SATB1: variants seen among roughly 807,000 people sequenced by gnomAD.
The protein encoded by SATB1 is SATB homeobox 1.
A neutral mutation model predicts 86.9 loss-of-function variants in SATB1; 11 were observed. That is an observed-to-expected ratio of 0.13 (90% CI 0.08 to 0.21). SATB1 has a LOEUF of 0.21. Ranked by LOEUF, SATB1 falls within the 10% of genes least tolerant of loss-of-function variation. The pLI is 1.00. For synonymous variants in SATB1, 357 were observed against 357.2 expected (o/e 1.00, Z 0.01); for missense variants, 551 against 937.6 (o/e 0.59, Z 5.39).
chr3:18,428,214 G>A (rs1336565852), upstream of SATB1, among the ~76,000 whole-genome samples: 1 of 152,164 alleles, frequency 6.6e-6, no homozygotes, highest in Non-Finnish European at 1.5e-5. Context: ...TCTCTGCAGA[G>A]TCCTGTGGTG....
upstream of SATB1, among the ~76,000 whole-genome samples, chr3:18,429,645 GCTTTT>G (rs1159822753): frequency 6.6e-6 from 1 of 152,158 alleles, no homozygotes; most frequent in African/African-American, 2.4e-5. This position sits in a 1 kb window ranked among gnomAD's most constrained non-coding sequence, Gnocchi z 4.1. Context: ...GCTGCCTCAT[GCTTTT>G]CTTGTCTAGT....
intron 9 of SATB1, among the ~76,000 whole-genome samples, chr3:18,373,434 A>G (rs1376432212): frequency 3.9e-5 from 6 of 152,226 alleles, no homozygotes; most frequent in Admixed American, 2.0e-4. Context: ...TGCCTTCACT[A>G]GCATGCTAGC....
At chr3:18,371,088 C>T (rs937742979) in intron 9 of SATB1, among the ~76,000 whole-genome samples, 6 of 152,102 alleles carry the variant, frequency 3.9e-5, no homozygotes, top group African/African-American at 4.8e-5. Flanking sequence ...GGCACTGAGG[C>T]GGCCGAGGAG....
intron 2 of SATB1, among the ~76,000 whole-genome samples, chr3:18,431,745 C>T (rs937631423): frequency 1.3e-5 from 2 of 152,196 alleles, no homozygotes; most frequent in African/African-American, 4.8e-5. Context: ...CAGCAGTAGA[C>T]CAAAATTTGA....
intron 9 of SATB1, among the ~76,000 whole-genome samples, chr3:18,372,127 T>C (rs1000678999): frequency 6.6e-6 from 1 of 152,222 alleles, no homozygotes; most frequent in South Asian, 2.1e-4. Context: ...TATGAATACA[T>C]AGTTGGCATA....
rs766837644 is a variant in SATB1, at chr3:18,346,556, C to CTA, written c.*2612_*2613dup. The CTA allele has an allele frequency of 1.3e-5, 2 of 148,328 alleles. No homozygotes were observed. Among genetic ancestry groups the CTA allele is most frequent in the Non-Finnish European group, 3.0e-5 (2 of 67,208 alleles). 9.2% of individuals were successfully genotyped at this position (148,328 alleles called of 1,614,324 possible). A position where few individuals can be genotyped will look rare whatever the true frequency, so the allele number is the denominator to read the frequency against. ...TGAAAACAATTTTGCTCACTCCATC[C>CTA]TATCAGTTTATTAACATGTGCTTGT... On this transcript the variant is annotated 3_prime_UTR_variant, in exon 11 of 11. Transcript: ENST00000338745.
At chr3:18,392,281 T>C (rs540452060) in intron 7 of SATB1, among the ~76,000 whole-genome samples, 2 of 152,286 alleles carry the variant, frequency 1.3e-5, no homozygotes, top group Admixed American at 1.3e-4. Flanking sequence ...AGAGAAAATT[T>C]TGCCTTTCTT....
intron 7 of SATB1, among the ~76,000 whole-genome samples, chr3:18,391,885 ATGTG>A (rs574988305): frequency 1.3e-5 from 2 of 152,138 alleles, no homozygotes; most frequent in Non-Finnish European, 2.9e-5. Flanking sequence ...CTGTGTATGT[ATGTG>A]TGTGTGGTTT....
At chr3:18,425,783 C>T (rs1402367077), upstream of SATB1, among the ~76,000 whole-genome samples, 3 of 141,644 alleles carry the variant, frequency 2.1e-5, no homozygotes, top group Non-Finnish European at 4.6e-5. Context: ...GAGCGCGCGG[C>T]GCGCGGGCGG....
At chr3:18,381,959 TA>T (rs1696087267) in intron 8 of SATB1, among the ~76,000 whole-genome samples, 1 of 152,152 alleles carries the variant, frequency 6.6e-6, no homozygotes, top group South Asian at 2.1e-4. Flanking sequence ...TTCCAGCTTT[TA>T]AAAGACGACA....
rs746147106 is a variant in SATB1 at position 18,416,175 on chromosome 3, T to G, written c.389-42A>C. The stretch of plus-strand genomic sequence containing the variant: ...GAATATGTCACTAAATATTTTACCC[T>G]CAGATAATATATCTACTAGAAGGGT... On this transcript the variant is annotated intron_variant, in intron 3 of 10. Transcript: ENST00000338745. 4.6e-6 allele frequency: 7 copies of G among 1,515,114 alleles called. No individual in the cohort carries two copies. In the Admixed American group the frequency reaches 9.1e-5, roughly 20 times the overall value. The allele number at this position is 1,515,114 out of a possible 1,614,324, so 93.9% of individuals were successfully genotyped here.
chr3:18,388,803 G>A (rs1696480422), intron 7 of SATB1, among the ~76,000 whole-genome samples: 1 of 152,072 alleles, frequency 6.6e-6, no homozygotes, highest in South Asian at 2.1e-4. Context: ...TATTTAGGAT[G>A]TTATTTGGGA....
intron 5 of SATB1, among the ~76,000 whole-genome samples, chr3:18,412,561 T>C (rs534656489): frequency 2.6e-5 from 4 of 152,158 alleles, no homozygotes; most frequent in Admixed American, 2.6e-4. Context: ...AAAGGTTCTC[T>C]CCCATGAATG....
At chr3:18,391,353 G>T (rs1349959283) in intron 7 of SATB1, among the ~76,000 whole-genome samples, 1 of 150,504 alleles carries the variant, frequency 6.6e-6, no homozygotes, top group African/African-American at 2.5e-5. Flanking sequence ...ATGTAACTTT[G>T]TATTTGTATG....
rs74283434 is a variant in SATB1, at chr3:18,385,345, G to A, written c.1419+1054C>T. Among the ~76,000 whole-genome samples the A allele has an allele frequency of 2.7e-3, 414 of 152,226 alleles. 15 individuals carry two copies. In the South Asian group the frequency reaches 0.039, roughly 14 times the overall value. On this transcript the variant is annotated intron_variant, in intron 8 of 10. Transcript: ENST00000338745. ...CATGTAAGAAAACACATTTGCAGCC[G>A]GGCGCGGTGGCTCAGGCCTGTAATC... is the stretch of plus-strand genomic sequence containing the variant.
At chr3:18,434,178 G>A (rs1175301881) in intron 2 of SATB1, among the ~76,000 whole-genome samples, 3 of 151,974 alleles carry the variant, frequency 2.0e-5, no homozygotes, top group Admixed American at 6.6e-5. Flanking sequence ...TCTCTTCTTT[G>A]AGGTAACAAG....
intron 9 of SATB1, among the ~76,000 whole-genome samples, chr3:18,364,427 T>C (rs571962744): frequency 7.2e-5 from 11 of 152,266 alleles, no homozygotes; most frequent in Non-Finnish European, 1.3e-4. Flanking sequence ...TTTTAAGATA[T>C]CTAGAACAAC....
chr3:18,349,969 C>A lies in SATB1; in HGVS notation c.1780-287G>T. On this transcript the variant is annotated intron_variant, in intron 10 of 10. Transcript: ENST00000338745. This position sits in a 1 kb window ranked among gnomAD's most constrained non-coding sequence, Gnocchi z 5.5. Reference sequence around the variant, plus strand: ...AACTCAGTGCTCTGAAAATGTGAGCCATAAAATTCACTAGAATGATACGCA... The same window carrying A: ...AACTCAGTGCTCTGAAAATGTGAGCAATAAAATTCACTAGAATGATACGCA... The A allele has an allele frequency of 9.1e-6, 4 of 437,460 alleles. No individual in the cohort carries two copies. In the South Asian group the frequency reaches 2.3e-4, roughly 25 times the overall value. 27.1% of individuals were successfully genotyped at this position (437,460 alleles called of 1,614,324 possible). A position where few individuals can be genotyped will look rare whatever the true frequency, so the allele number is the denominator to read the frequency against.
At position 18,346,877 on chromosome 3, in the gene SATB1, T is replaced by C. The variant is rs529821498; in HGVS notation, c.*2293A>G. On this transcript the variant is annotated 3_prime_UTR_variant, in exon 11 of 11. Coordinates refer to ENST00000338745, the MANE Select transcript of SATB1 (RefSeq NM_002971.6). ...TTTTATTTCCTATTTTTTAAATACA[T>C]GAAACCTAGTTTCTATTTTCTTAAT... The C allele has an allele frequency of 1.4e-4, 22 of 152,288 alleles. No individual in the cohort carries two copies. The South Asian group carries it at 2.3e-3, about 16-fold the overall frequency. The allele number at this position is 152,288 out of a possible 1,614,324, so 9.4% of individuals were successfully genotyped here.
Sources: allele counts gnomAD v4.1 joint callset (sites outside exome capture counted in the v4.1 genomes callset), GRCh38; gene constraint gnomAD v4.1.1; non-coding constraint Gnocchi (gnomAD v3.1); transcripts MANE v1.5; gene names NCBI Gene and HGNC (gene_info 2026-07-23, HGNC 2026-07-21).